Variants in TNXB observed in about 807,000 individuals in gnomAD.
TNXB encodes the protein tenascin-X.
TNXB carries 183 observed loss-of-function variants against 340.5 expected under a neutral mutation model. The ratio of observed to expected loss-of-function variants is 0.54; its 90% CI spans 0.48 to 0.61. TNXB has a LOEUF of 0.61. Ranked by LOEUF, TNXB falls within the 20% of genes least tolerant of loss-of-function variation. TNXB has a pLI of 0.00. For synonymous variants in TNXB, 2,121 were observed against 2,314.5 expected (o/e 0.92, Z 2.40); for missense variants, 4,613 against 5,446.4 (o/e 0.85, Z 4.82).
rs1457653284 is a variant in TNXB, at chr6:32,046,153, T to C, written c.10606+22A>G. 9 of 1,572,768 alleles carry C rather than the reference T, an allele frequency of 5.7e-6. No homozygotes were observed. The highest frequency in any genetic ancestry group is 1.7e-5 in the Admixed American group (1 of 58,878). On this transcript the variant is annotated intron_variant, in intron 31 of 43. Transcript: ENST00000644971. This position sits in a 1 kb window ranked among gnomAD's most constrained non-coding sequence, Gnocchi z 6.9. ...GAAACCCACACAAGCTGGCTTGCTA[T>C]AGCCAGGCACAGCAGCCTCACCTGT...
In TNXB at chr6:32,049,289, C is replaced by T. The variant is rs749005508; in HGVS notation, c.9738G>A (p.Val3246=). The change falls in exon 28 of 44, where the codon GTG becomes GTA. Residue 3246 remains valine (V), a synonymous_variant. Transcript: ENST00000644971. The surrounding 1 kb of genome is among the most constrained non-coding windows in gnomAD (Gnocchi z 4.5). The part of the protein sequence containing the change: ...GLHEGQRVGP[V]STVGITAPLP... ...ACTCACCCGTGATGCCCACGGTGGA[C>T]ACTGGGCCCACGCGCTGCCCCTCGT... is the stretch of plus-strand genomic sequence containing the variant. 3.1e-6 allele frequency: 5 copies of T among 1,611,768 alleles called. No homozygotes were observed. Among genetic ancestry groups the T allele is most frequent in the Non-Finnish European group, 4.2e-6 (5 of 1,179,486 alleles).
rs764589468 is a variant in TNXB at position 32,068,990 on chromosome 6, C to G, written c.5734G>C (p.Glu1912Gln). The G allele has an allele frequency of 6.2e-7, 1 of 1,612,718 alleles. No homozygotes were observed. The highest frequency in any genetic ancestry group is 8.5e-7 in the Non-Finnish European group (1 of 1,179,876). Residue 1912 changes from glutamate to glutamine, a missense_variant, in exon 16 of 44, where the codon GAA (glutamate) becomes CAA (glutamine). By Grantham distance (29) the Glu-to-Gln change is conservative. Around this residue, in one of 7 missense-constraint regions of TNXB, gnomAD observed 4,327 missense variants for 4,859.4 expected, o/e 0.89. Transcript: ENST00000644971. This position sits in a 1 kb window ranked among gnomAD's most constrained non-coding sequence, Gnocchi z 5.3. Reference sequence around the variant, plus strand: ...CCGTCTCTATCTGTGTACTGGATTTCGAAGGAGTCAAATTCTCCCTCAGTC... The same window carrying G: ...CCGTCTCTATCTGTGTACTGGATTTGGAAGGAGTCAAATTCTCCCTCAGTC... Reference protein sequence around the residue: ...MVTEGEFDSFEIQYTDRDGQL... With the variant: ...MVTEGEFDSFQIQYTDRDGQL...
Position 32,081,529 on chromosome 6 carries a change from T to C in TNXB, c.3881A>G (p.Gln1294Arg), listed in dbSNP as rs1414662938. The part of the protein sequence containing the change: ...AQGPFDSFMV[Q>R]YKDAQGQPQA... ...GGGCTGCCCCTGTGCATCCTTGTAC[T>C]GGACCATGAATGAGTCGAAGGGGCC... The change falls in exon 10 of 44, where the codon CAG becomes CGG. Residue 1294 changes from glutamine (Q) to arginine (R), a missense_variant. Physicochemically the swap from Gln to Arg is conservative, Grantham distance 43. Around this residue, in one of 7 missense-constraint regions of TNXB, gnomAD observed 4,327 missense variants for 4,859.4 expected, o/e 0.89. Transcript: ENST00000644971. The surrounding 1 kb of genome is among the most constrained non-coding windows in gnomAD (Gnocchi z 5.1). 5 of 1,607,306 alleles carry C rather than the reference T, an allele frequency of 3.1e-6. No individual in the cohort carries two copies. Among genetic ancestry groups the C allele is most frequent in the African/African-American group, 2.7e-5 (2 of 74,832 alleles).
Position 32,049,905 on chromosome 6 carries a change from C to G in TNXB, c.9439+93G>C. ...CCACAAGCAGTTCTGTGGTGCTGAC[C>G]AGACCCCTGTCCCATTCCCCACCAG... On this transcript the variant is annotated intron_variant, in intron 27 of 43. Transcript: ENST00000644971. The surrounding 1 kb of genome is among the most constrained non-coding windows in gnomAD (Gnocchi z 4.5). 6.3e-7 allele frequency: 1 copy of G among 1,576,358 alleles called. No homozygotes were observed.
In TNXB at chr6:32,046,394, T is replaced by C. The variant is rs781468221; in HGVS notation, c.10387A>G (p.Ser3463Gly). Residue 3463 changes from serine (S) to glycine (G), a missense_variant, in exon 31 of 44, where the codon AGC becomes GGC. By Grantham distance (56) the Ser-to-Gly change is moderately conservative (BLOSUM62 0). This residue lies in a region of TNXB where 4,327 missense variants were observed against 4,859.4 expected (regional missense o/e 0.89). Coordinates refer to ENST00000644971, the MANE Select transcript of TNXB (RefSeq NM_001365276.2). The surrounding 1 kb of genome is among the most constrained non-coding windows in gnomAD (Gnocchi z 6.9). ...GELTVAEETS[S>G]SLRLSWTVAQ... ...ACCGTCCAGGACAGGCGCAGAGAGCTGGAGGTCTCCTCAGCCACGGTCAGT... is the reference window on the plus strand; with the variant it reads ...ACCGTCCAGGACAGGCGCAGAGAGCCGGAGGTCTCCTCAGCCACGGTCAGT... 12 of 1,587,958 alleles carry C rather than the reference T, an allele frequency of 7.6e-6. No homozygotes were observed. In the South Asian group the frequency reaches 1.2e-4, roughly 16 times the overall value.
Position 32,049,670 on chromosome 6 carries a change from T to C in TNXB, c.9440-83A>G. The C allele has an allele frequency of 6.8e-7, 1 of 1,461,668 alleles. No individual in the cohort carries two copies. Among genetic ancestry groups the C allele is most frequent in the Non-Finnish European group, 9.2e-7 (1 of 1,083,928 alleles). 90.5% of individuals were successfully genotyped at this position (1,461,668 alleles called of 1,614,324 possible). A position where few individuals can be genotyped will look rare whatever the true frequency, so the allele number is the denominator to read the frequency against. ...AGGAGGGAGAAGCCAAGGCTATGAC[T>C]GGGGGACCTGAGGTCATTTCAGAGA... On this transcript the variant is annotated intron_variant, in intron 27 of 43. Transcript: ENST00000644971. This position sits in a 1 kb window ranked among gnomAD's most constrained non-coding sequence, Gnocchi z 4.5.
In TNXB at chr6:32,049,407, G is replaced by T; in HGVS notation, c.9620C>A (p.Pro3207His). The T allele has an allele frequency of 6.2e-7, 1 of 1,612,672 alleles. No homozygotes were observed. Among genetic ancestry groups the T allele is most frequent in the Non-Finnish European group, 8.5e-7 (1 of 1,179,884 alleles). The change falls in exon 28 of 44, where the codon CCC (proline) becomes CAC (histidine). Residue 3207 changes from proline to histidine, a missense_variant. By Grantham distance (77) the Pro-to-His change is moderately conservative. Transcript: ENST00000644971. The surrounding 1 kb of genome is among the most constrained non-coding windows in gnomAD (Gnocchi z 4.5). ...TVQYKDRDGQ[P>H]QVVRVRGEES... is the part of the protein sequence containing the mutation. ...CTCGCCCCTGACACGCACCACCTGG[G>T]GCTGCCCGTCCCTGTCCTTGTACTG...
Position 32,069,005 on chromosome 6 carries a change from C to G in TNXB, c.5719G>C (p.Glu1907Gln). ...TACTGGATTTCGAAGGAGTCAAATT[C>G]TCCCTCAGTCACCATCCAGGAGAGA... is the stretch of plus-strand genomic sequence containing the variant. ...LHLSWMVTEGEFDSFEIQYTD... is the reference protein window; with the variant it reads ...LHLSWMVTEGQFDSFEIQYTD... The change falls in exon 16 of 44, where the codon GAA becomes CAA. Residue 1907 changes from glutamate to glutamine, a missense_variant. By Grantham distance (29) the Glu-to-Gln change is conservative. This residue lies in a region of TNXB where 4,327 missense variants were observed against 4,859.4 expected (regional missense o/e 0.89). Transcript: ENST00000644971. This position sits in a 1 kb window ranked among gnomAD's most constrained non-coding sequence, Gnocchi z 6.2. The G allele has an allele frequency of 6.2e-7, 1 of 1,612,904 alleles. No individual in the cohort carries two copies. Among genetic ancestry groups the G allele is most frequent in the Non-Finnish European group, 8.5e-7 (1 of 1,179,886 alleles).
At position 32,095,121 on chromosome 6, in the gene TNXB, C is replaced by T. The variant is rs758324098; in HGVS notation, c.2313G>A (p.Pro771=). 6.5e-6 allele frequency: 10 copies of T among 1,549,514 alleles called. No homozygotes were observed. Among genetic ancestry groups the T allele is most frequent in the East Asian group, 2.4e-5 (1 of 40,994 alleles). The part of the protein sequence containing the change: ...EETTVRTEWT[P]APGPVDAYEI... ...CATAGGCATCCACGGGGCCAGGAGCCGGGGTCCACTCTGTCCGAACTGTTG... is the reference window on the plus strand; with the variant it reads ...CATAGGCATCCACGGGGCCAGGAGCTGGGGTCCACTCTGTCCGAACTGTTG... Residue 771 remains proline, a synonymous_variant, in exon 4 of 44, where the codon CCG becomes CCA. Transcript: ENST00000644971.
Position 32,084,761 on chromosome 6 carries a change from T to C in TNXB, c.3149-52A>G, listed in dbSNP as rs923840036. On this transcript the variant is annotated intron_variant, in intron 7 of 43. Coordinates refer to ENST00000644971, the MANE Select transcript of TNXB (RefSeq NM_001365276.2). This position sits in a 1 kb window ranked among gnomAD's most constrained non-coding sequence, Gnocchi z 5.5. Reference sequence around the variant, plus strand: ...CATAGTGGACTCAACCGTTCTCTTGTCTGTGTCTCCTTCCCTCTCCCCTGC... The same window carrying C: ...CATAGTGGACTCAACCGTTCTCTTGCCTGTGTCTCCTTCCCTCTCCCCTGC... The C allele has an allele frequency of 2.1e-6, 3 of 1,459,676 alleles. No homozygotes were observed. In the Admixed American group the frequency reaches 7.0e-5, roughly 34 times the overall value. 90.4% of individuals were successfully genotyped at this position (1,459,676 alleles called of 1,614,324 possible).
Position 32,068,240 on chromosome 6 carries a change from C to T in TNXB, c.6220+150G>A. ...CAGGAGGAGCCAGTGGTCAACCTCA[C>T]AGGAAGGCCCAAGGGGAGCCCCAGC... is the stretch of plus-strand genomic sequence containing the variant. On this transcript the variant is annotated intron_variant, in intron 17 of 43. Coordinates refer to ENST00000644971, the MANE Select transcript of TNXB (RefSeq NM_001365276.2). The surrounding 1 kb of genome is among the most constrained non-coding windows in gnomAD (Gnocchi z 5.3). 4 of 1,266,630 alleles carry T rather than the reference C, an allele frequency of 3.2e-6. No individual in the cohort carries two copies. Among genetic ancestry groups the T allele is most frequent in the East Asian group, 2.5e-5 (1 of 39,278 alleles). The allele number at this position is 1,266,630 out of a possible 1,614,324, so 78.5% of individuals were successfully genotyped here. A position where few individuals can be genotyped will look rare whatever the true frequency, so the allele number is the denominator to read the frequency against.
intron 18 of TNXB, among the ~76,000 whole-genome samples, chr6:32,066,973 A>C (rs1268940008): frequency 1.3e-5 from 2 of 152,104 alleles, no homozygotes; most frequent in Admixed American, 6.6e-5. Context: ...CGGGAGGCTG[A>C]AGTGGGAGGA....
chr6:32,087,875 C>T lies in TNXB; in HGVS notation c.2779+910G>A. 2.4e-6 allele frequency: 1 copy of T among 415,982 alleles called. No individual in the cohort carries two copies. 25.8% of individuals were successfully genotyped at this position (415,982 alleles called of 1,614,324 possible). ...GGCGGGGACTCCTCCTCCCTTTCCTCTGCTGGCCTCGAGGGCCAAGGGGGC... is the reference window on the plus strand; with the variant it reads ...GGCGGGGACTCCTCCTCCCTTTCCTTTGCTGGCCTCGAGGGCCAAGGGGGC... On this transcript the variant is annotated intron_variant, in intron 6 of 43. Transcript: ENST00000644971. The surrounding 1 kb of genome is among the most constrained non-coding windows in gnomAD (Gnocchi z 9.0).
intron 11 of TNXB, chr6:32,078,728 CA>C (rs1779255766): frequency 5.1e-6 from 2 of 394,810 alleles, no homozygotes; most frequent in Non-Finnish European, 9.1e-6. Flanking sequence ...ACACTGGCAG[CA>C]TATTTACTTT....
In TNXB at chr6:32,064,888, G is replaced by A. The variant is rs760285109; in HGVS notation, c.6774C>T (p.Tyr2258=). The stretch of plus-strand genomic sequence containing the variant: ...CGTGGAAGCCGTACAGGTTCATCTT[G>A]TACTTGTGGTCTGGCTCCAGGCCCG... ...TISGLEPDHK[Y]KMNLYGFHGG... Residue 2258 remains tyrosine (Y), a synonymous_variant, in exon 19 of 44, where the codon TAC becomes TAT. Coordinates refer to ENST00000644971, the MANE Select transcript of TNXB (RefSeq NM_001365276.2). This position sits in a 1 kb window ranked among gnomAD's most constrained non-coding sequence, Gnocchi z 5.3. The A allele has an allele frequency of 1.9e-5, 30 of 1,612,578 alleles. No individual in the cohort carries two copies. In the Admixed American group the frequency reaches 4.7e-4, roughly 25 times the overall value.
intron 26 of TNXB, among the ~76,000 whole-genome samples, chr6:32,050,796 A>C (rs35214850): frequency 0.11 from 16,532 of 151,568 alleles, 1,090 homozygotes; most frequent in African/African-American, 0.18. Flanking sequence ...CTTCCTCCCC[A>C]ACCTCCAGTC....
In TNXB at chr6:32,075,457, C is replaced by T. The variant is rs976770128; in HGVS notation, c.4376-1505G>A. Among the ~76,000 whole-genome samples the T allele has an allele frequency of 2.6e-5, 4 of 152,342 alleles. 1 individual carries two copies. Among genetic ancestry groups the T allele is most frequent in the Admixed American group, 1.3e-4 (2 of 15,304 alleles). On this transcript the variant is annotated intron_variant, in intron 11 of 43. Transcript: ENST00000644971. The surrounding 1 kb of genome is among the most constrained non-coding windows in gnomAD (Gnocchi z 4.6). ...TTTGCTCTTCCTTCTGTCTGGGATGCTCTTTCCCCAAAGGCCTAGGTGGCT... is the reference window on the plus strand; with the variant it reads ...TTTGCTCTTCCTTCTGTCTGGGATGTTCTTTCCCCAAAGGCCTAGGTGGCT...
intron 4 of TNXB, among the ~76,000 whole-genome samples, chr6:32,091,160 G>A (rs1268299446): frequency 6.6e-6 from 1 of 152,256 alleles, no homozygotes; most frequent in African/African-American, 2.4e-5. Context: ...GCCCAGGCTG[G>A]AGTGCAATGG....
Position 32,089,533 on chromosome 6 carries a change from G to C in TNXB, c.2359-154C>G, listed in dbSNP as rs1779985906. On this transcript the variant is annotated intron_variant, in intron 4 of 43. Transcript: ENST00000644971. The surrounding 1 kb of genome is among the most constrained non-coding windows in gnomAD (Gnocchi z 6.2). ...AAGCTGGGGAGCAAACATGCTGAGA[G>C]CGCTAACTCCTTGTGAGCCACTGTT... 6.6e-6 allele frequency among the ~76,000 whole-genome samples: 1 copy of C among 152,232 alleles called. No individual in the cohort carries two copies. The highest frequency in any genetic ancestry group is 1.5e-5 in the Non-Finnish European group (1 of 68,046).
Sources: allele counts gnomAD v4.1 joint callset (sites outside exome capture counted in the v4.1 genomes callset), GRCh38; gene constraint gnomAD v4.1.1; regional missense constraint gnomAD v4.1.1; non-coding constraint Gnocchi (gnomAD v3.1); transcripts MANE v1.5; gene names NCBI Gene and HGNC (gene_info 2026-07-23, HGNC 2026-07-21).